RANGAP1: variants seen among roughly 807,000 people sequenced by gnomAD.
RANGAP1 encodes the protein Ran GTPase activating protein 1.
Under a neutral mutation model 63.5 loss-of-function variants are expected in RANGAP1, and 38 were observed. That is an observed-to-expected ratio of 0.60 (90% CI 0.46 to 0.78). RANGAP1 has a LOEUF of 0.78. Among genes scored for constraint, RANGAP1 ranks in the 30% least tolerant of loss-of-function variants. RANGAP1 has a pLI of 0.00. For synonymous variants in RANGAP1, 329 were observed against 310.5 expected, an observed-to-expected ratio of 1.06 and a Z score of -0.63; for missense variants, 630 against 740.3, an observed-to-expected ratio of 0.85 and a Z score of 1.73.
Position 41,257,639 on chromosome 22 carries a change from AAC to A in RANGAP1, c.774+307_774+308del, listed in dbSNP as rs984956748. On this transcript the variant is annotated intron_variant, in intron 7 of 15. Coordinates refer to ENST00000356244, the MANE Select transcript of RANGAP1 (RefSeq NM_002883.4). The surrounding 1 kb of genome is among the most constrained non-coding windows in gnomAD (Gnocchi z 4.0). The stretch of plus-strand genomic sequence containing the variant: ...AGCTGCTGAACAAATCAACCAGGAA[AAC>A]AGATGTGGGGAGCAGTCTGCTCCTG... Among the ~76,000 whole-genome samples, 95 of 152,350 alleles carry A rather than the reference AAC, an allele frequency of 6.2e-4. No individual in the cohort carries two copies. The highest frequency in any genetic ancestry group is 1.7e-3 in the Admixed American group (26 of 15,302).
At chr22:41,258,303 G>T (rs2033965294) in intron 6 of RANGAP1, among the ~76,000 whole-genome samples, 197 bp from the exon 7 acceptor site, 1 of 152,238 alleles carries the variant, frequency 6.6e-6, no homozygotes, top group African/African-American at 2.4e-5. Context: ...GCCTGGGATA[G>T]GATCCCCACC....
In RANGAP1 at chr22:41,282,665, T is replaced by C. The variant is rs574038157; in HGVS notation, c.-38-1583A>G. 2.6e-5 allele frequency among the ~76,000 whole-genome samples: 4 copies of C among 152,334 alleles called. No homozygotes were observed. The South Asian group carries it at 8.3e-4, about 32-fold the overall frequency. On this transcript the variant is annotated intron_variant, in intron 1 of 15. Transcript: ENST00000356244. ...AAACAAGTAAAGCTTTGAGAACTCC[T>C]GCGCCTGCTCATGGTACTCCAGCTT... is the stretch of plus-strand genomic sequence containing the variant.
upstream of RANGAP1, among the ~76,000 whole-genome samples, chr22:41,286,612 GAA>G (rs965324026): frequency 6.6e-6 from 1 of 152,210 alleles, no homozygotes; most frequent in African/African-American, 2.4e-5. Context: ...TTTCCCGAAA[GAA>G]AAGACTCTTT....
At chr22:41,289,604 CAA>C (rs2035814708), upstream of RANGAP1, among the ~76,000 whole-genome samples, 1 of 151,862 alleles carries the variant, frequency 6.6e-6, no homozygotes, top group Admixed American at 6.6e-5. Flanking sequence ...GCCTAGGCAA[CAA>C]GAGCAAAATT....
chr22:41,256,844 G>A lies in RANGAP1; in HGVS notation c.775-20C>T, dbSNP rs1298104031. 1.2e-6 allele frequency: 2 copies of A among 1,601,674 alleles called. No individual in the cohort carries two copies. The highest frequency in any genetic ancestry group is 1.7e-6 in the Non-Finnish European group (2 of 1,169,508). ...CAAGGTCTGTGAGGGGGAAGCAAGG[G>A]TCCAGAGTGAGGGTGCAGACCACAC... On this transcript the variant is annotated intron_variant, in intron 7 of 15. Transcript: ENST00000356244.
chr22:41,286,622 T>C (rs2035759620), upstream of RANGAP1, among the ~76,000 whole-genome samples: 1 of 152,210 alleles, frequency 6.6e-6, no homozygotes, highest in Non-Finnish European at 1.5e-5. Context: ...GAAAAGACTC[T>C]TTTCCGTCCC....
the RANGAP1 span, among the ~76,000 whole-genome samples, chr22:41,297,889 C>T: frequency 3.4e-5 from 5 of 147,712 alleles, no homozygotes; most frequent in South Asian, 4.3e-4. Context: ...GATGGAGTCT[C>T]GCTCTTGTCA....
chr22:41,255,968 GA>G (rs1296540998), intron 10 of RANGAP1, 52 bp downstream of exon 10: 36 of 1,539,162 alleles, frequency 2.3e-5, no homozygotes, highest in Admixed American at 1.3e-4. Flanking sequence ...ACAAAAGAAA[GA>G]AAGAAAGGAA....
the RANGAP1 span, among the ~76,000 whole-genome samples, chr22:41,296,787 C>T: frequency 6.6e-6 from 1 of 152,210 alleles, no homozygotes; most frequent in East Asian, 1.9e-4. Context: ...GAGACACACA[C>T]ACAAAGTGAT....
chr22:41,255,117 G>A (rs112817254), intron 10 of RANGAP1, among the ~76,000 whole-genome samples: 5 of 152,116 alleles, frequency 3.3e-5, no homozygotes, highest in South Asian at 2.1e-4. Flanking sequence ...TGCCCAGGTT[G>A]AGATGCCAGG....
chr22:41,273,557 G>A (rs2034957255), intron 3 of RANGAP1, among the ~76,000 whole-genome samples: 1 of 151,874 alleles, frequency 6.6e-6, no homozygotes, highest in South Asian at 2.1e-4. Context: ...CACAAGGTCA[G>A]GAGTTCGACA....
upstream of RANGAP1, among the ~76,000 whole-genome samples, chr22:41,286,863 A>G (rs1316486389): frequency 6.6e-6 from 1 of 152,184 alleles, no homozygotes; most frequent in Non-Finnish European, 1.5e-5. Flanking sequence ...TAGTCTAATC[A>G]TGAGAAACCC....
chr22:41,295,495 A>C, the RANGAP1 span, among the ~76,000 whole-genome samples: 1 of 152,028 alleles, frequency 6.6e-6, no homozygotes, highest in Non-Finnish European at 1.5e-5. Context: ...AGATGCTTGA[A>C]GGCAGCATGC....
At position 41,274,639 on chromosome 22, in the gene RANGAP1, C is replaced by A; in HGVS notation, c.201G>T (p.Arg67Ser). Reference sequence around the variant, plus strand: ...TCTTCTCTAAGGCCTTGGCGATGACCCTGGCTGCTTCCACGCCCACTGTGT... The same window carrying A: ...TCTTCTCTAAGGCCTTGGCGATGACACTGGCTGCTTCCACGCCCACTGTGT... ...EGNTVGVEAA[R>S]VIAKALEKKS... Residue 67 changes from arginine to serine, a missense_variant, in exon 3 of 16, where the codon AGG (arginine) becomes AGT (serine). Transcript: ENST00000356244. 6.2e-7 allele frequency: 1 copy of A among 1,614,174 alleles called. No individual in the cohort carries two copies. The highest frequency in any genetic ancestry group is 2.2e-5 in the East Asian group (1 of 44,878).
the RANGAP1 span, among the ~76,000 whole-genome samples, chr22:41,294,242 C>T: frequency 2.6e-5 from 4 of 152,236 alleles, no homozygotes; most frequent in Admixed American, 6.5e-5. Context: ...TTGGTGGAGA[C>T]GGGGTTTCGC....
chr22:41,246,551 AG>A lies in RANGAP1; in HGVS notation c.*51del. ...CGTAGGCTGCGCCTCAGTTCATCCGAGTCCCTCCCCAGCTCACTGGTCCAGG... is the reference window on the plus strand; with the variant it reads ...CGTAGGCTGCGCCTCAGTTCATCCGATCCCTCCCCAGCTCACTGGTCCAGG... On this transcript the variant is annotated 3_prime_UTR_variant, in exon 16 of 16. Transcript: ENST00000356244. 1 of 1,479,216 alleles carries A rather than the reference AG, an allele frequency of 6.8e-7. No individual in the cohort carries two copies. The highest frequency in any genetic ancestry group is 1.4e-5 in the African/African-American group (1 of 71,576). 91.6% of individuals were successfully genotyped at this position (1,479,216 alleles called of 1,614,324 possible).
intron 5 of RANGAP1, among the ~76,000 whole-genome samples, chr22:41,263,327 G>A (rs2034277565): frequency 6.6e-6 from 1 of 152,198 alleles, no homozygotes; most frequent in Non-Finnish European, 1.5e-5. Flanking sequence ...CTCTAGGTTG[G>A]GCCACGCCTG....
chr22:41,299,333 C>T, the RANGAP1 span, among the ~76,000 whole-genome samples: 870 of 152,000 alleles, frequency 5.7e-3, 14 homozygotes, highest in South Asian at 0.033. Flanking sequence ...GGGGTTTCAC[C>T]GTGTTAGCTG....
At position 41,249,315 on chromosome 22, in the gene RANGAP1, C is replaced by A. The variant is rs761153378; in HGVS notation, c.1694+15G>T. 6 of 1,583,230 alleles carry A rather than the reference C, an allele frequency of 3.8e-6. No individual in the cohort carries two copies. Among genetic ancestry groups the A allele is most frequent in the Non-Finnish European group, 5.2e-6 (6 of 1,163,538 alleles). On this transcript the variant is annotated intron_variant, in intron 15 of 15. Coordinates refer to ENST00000356244, the MANE Select transcript of RANGAP1 (RefSeq NM_002883.4). ...GAGAGGGCAGGCACCGGCAGAAGGA[C>A]AAGGCCACACTCACTTGGTCACGAA...
Sources: gnomAD v4.1 joint callset for allele counts (sites outside exome capture counted in the v4.1 genomes callset) on GRCh38, gnomAD v4.1.1 for gene constraint, Gnocchi (gnomAD v3.1) non-coding constraint, MANE v1.5 for transcripts, NCBI Gene and HGNC (gene_info 2026-07-23, HGNC 2026-07-21) for gene names.